SH3GL3: variants seen among roughly 807,000 people sequenced by gnomAD.
The protein encoded by SH3GL3 is endophilin-A3.
A neutral mutation model predicts 47.7 loss-of-function variants in SH3GL3; 33 were observed. That is an observed-to-expected ratio of 0.69 (90% confidence interval 0.52 to 0.92). SH3GL3 has a LOEUF of 0.92. Among genes scored for constraint, SH3GL3 ranks in the 40% least tolerant of loss-of-function variants. SH3GL3 has a pLI of 0.00. For missense variants in SH3GL3, 363 were observed against 417.8 expected (o/e 0.87, Z 1.14); for synonymous variants, 155 against 148.8 (o/e 1.04, Z -0.30).
chr15:83,564,169 T>C (rs1475206597), intron 2 of SH3GL3, among the ~76,000 whole-genome samples: 1 of 152,178 alleles, frequency 6.6e-6, no homozygotes, highest in African/African-American at 2.4e-5. Flanking sequence ...GTCTGATTTT[T>C]TTAGGTTGAT....
intron 8 of SH3GL3, among the ~76,000 whole-genome samples, chr15:83,595,366 G>A (rs887468709): frequency 6.6e-6 from 1 of 152,134 alleles, no homozygotes; most frequent in Non-Finnish European, 1.5e-5. Flanking sequence ...TGGAGGTTGG[G>A]AGGAGGGTGA....
At chr15:83,534,727 A>G (rs2043829893) in intron 1 of SH3GL3, among the ~76,000 whole-genome samples, 2 of 152,180 alleles carry the variant, frequency 1.3e-5, no homozygotes, top group African/African-American at 4.8e-5. Context: ...GCCAGAAAGC[A>G]GCAGAAATTG....
intron 1 of SH3GL3, among the ~76,000 whole-genome samples, chr15:83,549,607 T>C (rs1010026941): frequency 4.6e-5 from 7 of 152,234 alleles, no homozygotes; most frequent in African/African-American, 1.7e-4. Context: ...CCTGCTTAGA[T>C]ATTTAGCCTT....
intron 1 of SH3GL3, among the ~76,000 whole-genome samples, chr15:83,539,562 T>G (rs989885381): frequency 6.6e-6 from 1 of 152,246 alleles, no homozygotes; most frequent in African/African-American, 2.4e-5. Context: ...AAGGCTCCTT[T>G]GACTGTTTTT....
intron 1 of SH3GL3, among the ~76,000 whole-genome samples, chr15:83,530,557 A>T (rs71408814): frequency 1.3e-5 from 2 of 150,882 alleles, no homozygotes; most frequent in East Asian, 3.9e-4. Context: ...GGAGGTGGTG[A>T]GTGCCAGATA....
chr15:83,602,890 G>A (rs1284650394), intron 8 of SH3GL3, among the ~76,000 whole-genome samples: 3 of 152,184 alleles, frequency 2.0e-5, no homozygotes, highest in Non-Finnish European at 4.4e-5. Context: ...GGGCTTTGGA[G>A]GGCTACCTTC....
chr15:83,564,624 ATCT>A (rs1214241290), intron 2 of SH3GL3, among the ~76,000 whole-genome samples: 3 of 152,212 alleles, frequency 2.0e-5, no homozygotes, highest in Non-Finnish European at 4.4e-5. Flanking sequence ...TGATGTTAAC[ATCT>A]TCTGACCATA....
chr15:83,566,842 A>T (rs919273242), intron 3 of SH3GL3, among the ~76,000 whole-genome samples: 12 of 152,180 alleles, frequency 7.9e-5, no homozygotes, highest in Non-Finnish European at 1.5e-5. Flanking sequence ...TGGCACGGGA[A>T]TGTCACTACT....
At chr15:83,597,165 C>T (rs2060256681) in intron 8 of SH3GL3, among the ~76,000 whole-genome samples, 1 of 152,170 alleles carries the variant, frequency 6.6e-6, no homozygotes, top group African/African-American at 2.4e-5. Flanking sequence ...TTTCTTGCCT[C>T]TCCTGCCTTC....
At chr15:83,550,185 A>G (rs187601544) in intron 1 of SH3GL3, among the ~76,000 whole-genome samples, 322 of 152,318 alleles carry the variant, frequency 2.1e-3, no homozygotes, top group Admixed American at 3.6e-3. Flanking sequence ...ACAACAGAGC[A>G]TGACTGCCAA....
At chr15:83,532,162 A>G (rs2043705176) in intron 1 of SH3GL3, among the ~76,000 whole-genome samples, 1 of 152,212 alleles carries the variant, frequency 6.6e-6, no homozygotes, top group Non-Finnish European at 1.5e-5. Context: ...GCAAATAAGT[A>G]GAATGATGAG....
intron 8 of SH3GL3, among the ~76,000 whole-genome samples, chr15:83,612,376 G>A (rs1414339182): frequency 2.0e-5 from 3 of 152,234 alleles, no homozygotes; most frequent in Non-Finnish European, 4.4e-5. Context: ...CTGTGGCTTA[G>A]GCCTCCCTCT....
At chr15:83,632,061 G>C in the SH3GL3 span, among the ~76,000 whole-genome samples, 1 of 152,098 alleles carries the variant, frequency 6.6e-6, no homozygotes, top group Admixed American at 6.6e-5. Context: ...TAGGGCAGGG[G>C]TAAAATGCCA....
chr15:83,447,628 G>A lies in SH3GL3; in HGVS notation c.45+50G>A. The A allele has an allele frequency of 7.6e-7, 1 of 1,309,094 alleles. No individual in the cohort carries two copies. The highest frequency in any genetic ancestry group is 1.0e-6 in the Non-Finnish European group (1 of 971,222). The allele number at this position is 1,309,094 out of a possible 1,614,324, so 81.1% of individuals were successfully genotyped here. ...GAGGGAGGGGGACGCGGAGGCTGCGGCCCCCCGAGGCTCCCGGGCCTTTGG... is the reference window on the plus strand; with the variant it reads ...GAGGGAGGGGGACGCGGAGGCTGCGACCCCCCGAGGCTCCCGGGCCTTTGG... On this transcript the variant is annotated intron_variant, in intron 1 of 8. Coordinates refer to ENST00000427482, the MANE Select transcript of SH3GL3 (RefSeq NM_003027.5). This position sits in a 1 kb window ranked among gnomAD's most constrained non-coding sequence, Gnocchi z 5.1.
chr15:83,492,442 G>A (rs575014473), intron 1 of SH3GL3, among the ~76,000 whole-genome samples: 3 of 152,200 alleles, frequency 2.0e-5, no homozygotes, highest in African/African-American at 7.2e-5. Context: ...GACGGGGGAA[G>A]TGGTGTTAAT....
chr15:83,607,830 TC>T (rs1482067578), intron 8 of SH3GL3, among the ~76,000 whole-genome samples: 1 of 139,388 alleles, frequency 7.2e-6, no homozygotes, highest in Admixed American at 7.5e-5. Context: ...TTTCCAGAAC[TC>T]AGAGTGGCAA....
intron 1 of SH3GL3, among the ~76,000 whole-genome samples, chr15:83,528,281 A>G (rs1205879034): frequency 6.6e-6 from 1 of 152,024 alleles, no homozygotes; most frequent in Admixed American, 6.5e-5. Flanking sequence ...AGACCTTTTT[A>G]GGTTATATCC....
intron 1 of SH3GL3, among the ~76,000 whole-genome samples, chr15:83,480,891 A>G (rs1029934955): frequency 6.6e-6 from 1 of 152,134 alleles, no homozygotes; most frequent in Non-Finnish European, 1.5e-5. Flanking sequence ...GGAGTCCTGG[A>G]ACCATTCCCC....
chr15:83,539,480 A>G (rs987371240), intron 1 of SH3GL3, among the ~76,000 whole-genome samples: 2 of 152,202 alleles, frequency 1.3e-5, no homozygotes, highest in African/African-American at 4.8e-5. Context: ...TAGAATTTCA[A>G]TTTATGAATT....
Sources: allele counts gnomAD v4.1 joint callset (sites outside exome capture counted in the v4.1 genomes callset), GRCh38; gene constraint gnomAD v4.1.1; non-coding constraint Gnocchi (gnomAD v3.1); transcripts MANE v1.5; gene names NCBI Gene and HGNC (gene_info 2026-07-23, HGNC 2026-07-21).